Variants in GARRE1 observed in about 807,000 individuals in gnomAD.
GARRE1 encodes granule associated Rac and RHOG effector protein 1.
In GARRE1, 49 loss-of-function variants were observed where a neutral mutation model predicts 103.2. The observed-to-expected ratio is 0.47, with a 90% confidence interval of 0.38 to 0.60. The LOEUF (loss-of-function observed/expected upper bound fraction) is 0.60. GARRE1 is among the 20% of genes least tolerant of loss of function. The pLI is 0.00. For synonymous variants in GARRE1, 505 were observed against 532.8 expected (o/e 0.95, Z 0.72); for missense variants, 1,199 against 1,370.5 (o/e 0.87, Z 1.98).
intron 1 of GARRE1, chr19:34,296,703 G>A: frequency 2.7e-6 from 2 of 750,680 alleles, no homozygotes; most frequent in Admixed American, 2.0e-5. Flanking sequence ...CCATTTTCGG[G>A]ACTGGTTGTG....
At chr19:34,330,408 A>T (rs1274268461) in intron 7 of GARRE1, 61 bp downstream of exon 7, 2 of 1,537,560 alleles carry the variant, frequency 1.3e-6, no homozygotes, top group East Asian at 2.3e-5. Flanking sequence ...GCATGTGAGG[A>T]TGTGGTGCAG....
chr19:34,352,977 T>A lies in GARRE1; in HGVS notation c.*22T>A, dbSNP rs377236207. 6.7e-6 allele frequency: 4 copies of A among 597,266 alleles called. No homozygotes were observed. The African/African-American group carries it at 1.2e-3, about 185-fold the overall frequency. The allele number at this position is 597,266 out of a possible 1,614,324, so 37.0% of individuals were successfully genotyped here. On this transcript the variant is annotated 3_prime_UTR_variant, in exon 14 of 14. Coordinates refer to ENST00000299505, the MANE Select transcript of GARRE1 (RefSeq NM_014686.5). ...CTGACCCCAGGCCAGCCAGCCTGCC[T>A]GCCTGCCTGCCTGCCCGCCCAGAGC...
intron 1 of GARRE1, among the ~76,000 whole-genome samples, chr19:34,291,208 G>A (rs1282065695): frequency 1.3e-5 from 2 of 151,820 alleles, no homozygotes; most frequent in Non-Finnish European, 2.9e-5. Flanking sequence ...GCGCCCAGCC[G>A]CATATTGCTT....
At chr19:34,331,759 C>T (rs1278651325) in intron 7 of GARRE1, among the ~76,000 whole-genome samples, 2 of 151,962 alleles carry the variant, frequency 1.3e-5, no homozygotes, top group Non-Finnish European at 2.9e-5. Context: ...TTTGGGAGGC[C>T]GAGGCAGGCA....
chr19:34,307,872 C>G (rs1322856246), intron 2 of GARRE1, among the ~76,000 whole-genome samples: 3 of 146,918 alleles, frequency 2.0e-5, no homozygotes, highest in African/African-American at 7.5e-5. Flanking sequence ...GCCTCGAACT[C>G]TTGGGCTCAA....
At chr19:34,269,498 T>C (rs116748398) in intron 1 of GARRE1, among the ~76,000 whole-genome samples, 287 of 152,372 alleles carry the variant, frequency 1.9e-3, no homozygotes, top group African/African-American at 6.7e-3. Context: ...GGCTTCGGAT[T>C]TTGTCAACCA....
At chr19:34,258,401 G>A (rs116685196) in intron 1 of GARRE1, among the ~76,000 whole-genome samples, 140 of 152,118 alleles carry the variant, frequency 9.2e-4, no homozygotes, top group African/African-American at 3.2e-3. Flanking sequence ...AGTGACCCCC[G>A]ACTCAGAGTT....
chr19:34,345,212 T>G (rs2074205678), intron 10 of GARRE1, among the ~76,000 whole-genome samples: 1 of 151,940 alleles, frequency 6.6e-6, no homozygotes, highest in Non-Finnish European at 1.5e-5. Flanking sequence ...CTCAGCCTCC[T>G]AAAGTGCTGG....
intron 3 of GARRE1, 65 bp downstream of exon 3, chr19:34,320,181 C>T: frequency 8.2e-6 from 11 of 1,341,698 alleles, no homozygotes; most frequent in South Asian, 1.2e-5. Context: ...AGGGCCTTTG[C>T]CTGTTGATTC....
intron 7 of GARRE1, among the ~76,000 whole-genome samples, chr19:34,330,926 G>T (rs2074134988): frequency 1.4e-5 from 2 of 147,878 alleles, no homozygotes; most frequent in Non-Finnish European, 3.0e-5. Flanking sequence ...TTGAGATGGA[G>T]TCTCGCTGTG....
At chr19:34,337,374 A>G (rs899861639) in intron 8 of GARRE1, among the ~76,000 whole-genome samples, 14 of 152,298 alleles carry the variant, frequency 9.2e-5, no homozygotes, top group African/African-American at 2.4e-4. Flanking sequence ...GTGCCATTAT[A>G]TGATAGAGAA....
In GARRE1 at chr19:34,314,582, G is replaced by C. The variant is rs550216558; in HGVS notation, c.496-5325G>C. 1.3e-4 allele frequency among the ~76,000 whole-genome samples: 20 copies of C among 152,282 alleles called. No individual in the cohort carries two copies. The South Asian group carries it at 3.9e-3, about 30-fold the overall frequency. ...TGCTGTTATTTTCACCAGCAGTGAA[G>C]CAGCGTGTCTGGGGGCAGAATGTAC... On this transcript the variant is annotated intron_variant, in intron 2 of 13. Coordinates refer to ENST00000299505, the MANE Select transcript of GARRE1 (RefSeq NM_014686.5).
rs372164070 is a variant in GARRE1, at chr19:34,339,854, A to G, written c.1362-13A>G. 6.2e-7 allele frequency: 1 copy of G among 1,614,050 alleles called. No individual in the cohort carries two copies. The highest frequency in any genetic ancestry group is 8.5e-7 in the Non-Finnish European group (1 of 1,179,984). On this transcript the variant is annotated splice_polypyrimidine_tract_variant and intron_variant, in intron 8 of 13. Coordinates refer to ENST00000299505, the MANE Select transcript of GARRE1 (RefSeq NM_014686.5). ...AATGCAGCCAAGACTAATGCAGCCT[A>G]ATCTATGCCTAGGTGCCTGAAAGAA...
intron 1 of GARRE1, among the ~76,000 whole-genome samples, chr19:34,256,671 G>A (rs897843095): frequency 6.6e-6 from 1 of 151,994 alleles, no homozygotes; most frequent in Non-Finnish European, 1.5e-5. Flanking sequence ...TAATATGTAA[G>A]CTTTATCATT....
At chr19:34,279,952 T>C (rs1599753036) in intron 1 of GARRE1, among the ~76,000 whole-genome samples, 1 of 129,946 alleles carries the variant, frequency 7.7e-6, no homozygotes, top group Admixed American at 8.7e-5. Flanking sequence ...GCCACTGCAC[T>C]CCAGCCTGGG....
At chr19:34,270,302 T>C (rs918094466) in intron 1 of GARRE1, among the ~76,000 whole-genome samples, 1 of 152,228 alleles carries the variant, frequency 6.6e-6, no homozygotes, top group Non-Finnish European at 1.5e-5. Context: ...CATGATTTTG[T>C]GATTGGGTTG....
chr19:34,320,237 C>T, intron 3 of GARRE1, 121 bp downstream of exon 3: 1 of 848,706 alleles, frequency 1.2e-6, no homozygotes, highest in Non-Finnish European at 1.9e-6. Flanking sequence ...AAACTGTTAT[C>T]ATTGGCTTGT....
chr19:34,262,231 C>G (rs952602363), intron 1 of GARRE1, among the ~76,000 whole-genome samples: 1 of 147,774 alleles, frequency 6.8e-6, no homozygotes, highest in Non-Finnish European at 1.5e-5. Context: ...GATCCGCCCA[C>G]CTTGGTCTCC....
intron 1 of GARRE1, among the ~76,000 whole-genome samples, chr19:34,275,349 A>G (rs998697453): frequency 1.3e-5 from 2 of 152,240 alleles, no homozygotes; most frequent in Admixed American, 1.3e-4. Context: ...GAATATTTTC[A>G]TCACTCTGCA....
Sources: allele counts gnomAD v4.1 joint callset (sites outside exome capture counted in the v4.1 genomes callset), GRCh38; gene constraint gnomAD v4.1.1; transcripts MANE v1.5; gene names NCBI Gene and HGNC (gene_info 2026-07-23, HGNC 2026-07-21).